Variants in SLC4A4 observed in about 807,000 individuals in gnomAD.
SLC4A4 encodes solute carrier family 4 member 4.
In SLC4A4, 27 loss-of-function variants were observed where a neutral mutation model predicts 111.5. The ratio of observed to expected loss-of-function variants is 0.24; its 90% CI spans 0.18 to 0.33. SLC4A4 has a LOEUF of 0.33. Among genes scored for constraint, SLC4A4 ranks in the 10% least tolerant of loss-of-function variants. SLC4A4 has a pLI of 1.00. For synonymous variants in SLC4A4, 443 were observed against 463.4 expected (o/e 0.96, Z 0.57); for missense variants, 909 against 1,315.5 (o/e 0.69, Z 4.78).
At chr4:71,512,685 AT>A (rs969990838) in intron 16 of SLC4A4, among the ~76,000 whole-genome samples, 17 of 151,978 alleles carry the variant, frequency 1.1e-4, no homozygotes, top group African/African-American at 3.1e-4. Flanking sequence ...TGAATTTCAG[AT>A]CTTAATCATA....
chr4:71,293,257 A>G (rs1162216776), intron 3 of SLC4A4, among the ~76,000 whole-genome samples: 1 of 151,682 alleles, frequency 6.6e-6, no homozygotes, highest in East Asian at 2.0e-4. Flanking sequence ...AAACACAAGT[A>G]TTATCAACAT....
intron 1 of SLC4A4, among the ~76,000 whole-genome samples, chr4:71,070,044 T>C (rs1741626808): frequency 6.6e-6 from 1 of 152,180 alleles, no homozygotes; most frequent in African/African-American, 2.4e-5. Flanking sequence ...TCAGAAGATT[T>C]TCTCATTTAT....
chr4:71,182,441 G>A (rs62302433), upstream of SLC4A4, among the ~76,000 whole-genome samples: 16,300 of 152,142 alleles, frequency 0.11, 1,541 homozygotes, highest in African/African-American at 0.25. Flanking sequence ...TCCAAGATAG[G>A]CCTGGTCTAA....
chr4:71,358,098 A>T lies in SLC4A4; in HGVS notation c.730+911A>T, dbSNP rs564059657. Among the ~76,000 whole-genome samples the T allele has an allele frequency of 2.0e-5, 3 of 152,210 alleles. No individual in the cohort carries two copies. The South Asian group carries it at 6.2e-4, about 32-fold the overall frequency. ...GGGAGGCCGAGGCGGGTGGATCACG[A>T]GGTCAGGAGATGGAGACCATCCTGG... On this transcript the variant is annotated intron_variant, in intron 6 of 25. Transcript: ENST00000264485.
intron 12 of SLC4A4, among the ~76,000 whole-genome samples, chr4:71,463,548 G>A (rs997149254): frequency 1.3e-5 from 2 of 152,158 alleles, no homozygotes; most frequent in Non-Finnish European, 2.9e-5. Context: ...AAGATTGTCA[G>A]CAACAGAATG....
chr4:71,537,822 C>G (rs1560600262), intron 18 of SLC4A4, among the ~76,000 whole-genome samples: 1 of 151,980 alleles, frequency 6.6e-6, no homozygotes, highest in Admixed American at 6.6e-5. Context: ...GTCTCTGTCC[C>G]AAGAGTTCAG....
In SLC4A4 at chr4:71,266,217, C is replaced by T. The variant is rs371887668; in HGVS notation, c.253+10818C>T. 1.8e-4 allele frequency among the ~76,000 whole-genome samples: 27 copies of T among 152,314 alleles called. 1 individual carries two copies. The South Asian group carries it at 5.6e-3, about 32-fold the overall frequency. ...CTGGGTCTAGGGGAATTTTTGTAAG[C>T]AATGAACCATTCTTTAATTGTGAAA... On this transcript the variant is annotated intron_variant, in intron 3 of 25. Coordinates refer to ENST00000264485, the MANE Select transcript of SLC4A4 (RefSeq NM_001098484.3).
intron 3 of SLC4A4, among the ~76,000 whole-genome samples, chr4:71,297,705 G>A (rs183206008): frequency 1.3e-4 from 19 of 149,942 alleles, no homozygotes; most frequent in East Asian, 7.9e-4. Flanking sequence ...CTCCTGCCTC[G>A]GCCTCCTGAG....
intron 4 of SLC4A4, 67 bp downstream of exon 4, chr4:71,339,572 C>T: frequency 6.6e-7 from 1 of 1,522,184 alleles, no homozygotes; most frequent in Non-Finnish European, 9.1e-7. Context: ...ATGCTTGATC[C>T]TGGAGTGCCG....
intron 3 of SLC4A4, among the ~76,000 whole-genome samples, chr4:71,306,938 G>A (rs1725739139): frequency 6.6e-6 from 1 of 152,190 alleles, no homozygotes; most frequent in Non-Finnish European, 1.5e-5. Context: ...CTAATTATAA[G>A]TCATGCTTCT....
chr4:71,113,965 A>C (rs1335096499), intron 2 of SLC4A4, among the ~76,000 whole-genome samples: 1 of 152,184 alleles, frequency 6.6e-6, no homozygotes, highest in Non-Finnish European at 1.5e-5. Context: ...AAAAGCAAAC[A>C]GGCCGGGCGC....
chr4:71,131,989 A>G (rs544225008), intron 2 of SLC4A4, among the ~76,000 whole-genome samples: 39 of 152,130 alleles, frequency 2.6e-4, no homozygotes, highest in African/African-American at 9.2e-4. Context: ...CTGGCACTGC[A>G]ACTGTTGTCT....
chr4:71,143,489 G>A (rs186172859), intron 2 of SLC4A4, among the ~76,000 whole-genome samples: 2,272 of 152,188 alleles, frequency 0.015, 68 homozygotes, highest in African/African-American at 0.052. Flanking sequence ...GGGTCAAATG[G>A]TATTTCTAAT....
Position 71,555,234 on chromosome 4 carries a change from T to C in SLC4A4, c.2763+26T>C, listed in dbSNP as rs202139786. On this transcript the variant is annotated intron_variant, in intron 21 of 25. Coordinates refer to ENST00000264485, the MANE Select transcript of SLC4A4 (RefSeq NM_001098484.3). ...GTAAGTTTTTGAATAGCAATGTAAG[T>C]ACAGTAGTGTTTTTCTAGTAGTAAG... The C allele has an allele frequency of 5.5e-6, 8 of 1,452,424 alleles. No homozygotes were observed. The Admixed American group carries it at 8.4e-5, about 15-fold the overall frequency. The allele number at this position is 1,452,424 out of a possible 1,614,324, so 90.0% of individuals were successfully genotyped here. A position where few individuals can be genotyped will look rare whatever the true frequency, so the allele number is the denominator to read the frequency against.
intron 6 of SLC4A4, among the ~76,000 whole-genome samples, chr4:71,397,194 G>A (rs1230904345): frequency 2.0e-5 from 3 of 152,152 alleles, no homozygotes; most frequent in Non-Finnish European, 4.4e-5. Flanking sequence ...GGAAACAGCC[G>A]CTCTCTGCAG....
chr4:71,353,590 T>G (rs1730034636), intron 5 of SLC4A4, among the ~76,000 whole-genome samples: 1 of 152,192 alleles, frequency 6.6e-6, no homozygotes, highest in African/African-American at 2.4e-5. Flanking sequence ...GAAGTTATAG[T>G]CGTTATTTGT....
chr4:71,174,855 C>A (rs564396718), intron 2 of SLC4A4, among the ~76,000 whole-genome samples: 3 of 152,194 alleles, frequency 2.0e-5, no homozygotes, highest in Admixed American at 2.0e-4. Context: ...CATGCTTCAA[C>A]CTCCCAGATT....
intron 15 of SLC4A4, among the ~76,000 whole-genome samples, chr4:71,493,403 C>A (rs1730110361): frequency 6.6e-6 from 1 of 151,936 alleles, no homozygotes; most frequent in African/African-American, 2.4e-5. Flanking sequence ...TAGATATCTT[C>A]CTTGAATATG....
At chr4:71,451,407 A>G in intron 11 of SLC4A4, 106 bp downstream of exon 11, 1 of 779,476 alleles carries the variant, frequency 1.3e-6, no homozygotes, top group Non-Finnish European at 2.3e-6. Flanking sequence ...TGTTCAGCCA[A>G]CAAATATTTA....
Sources: allele counts gnomAD v4.1 joint callset (sites outside exome capture counted in the v4.1 genomes callset), GRCh38; gene constraint gnomAD v4.1.1; transcripts MANE v1.5; gene names NCBI Gene and HGNC (gene_info 2026-07-23, HGNC 2026-07-21).